ADAMTS19: variants seen among roughly 807,000 people sequenced by gnomAD.
The protein encoded by ADAMTS19 is ADAM metallopeptidase with thrombospondin type 1 motif 19.
ADAMTS19 carries 93 observed loss-of-function variants against 153.3 expected under a neutral mutation model. The observed-to-expected ratio is 0.61, with a 90% CI of 0.51 to 0.72. The LOEUF (loss-of-function observed/expected upper bound fraction) is 0.72. Among genes scored for constraint, ADAMTS19 ranks in the 30% least tolerant of loss-of-function variants. ADAMTS19 has a pLI of 0.00. For missense variants in ADAMTS19, 1,482 were observed against 1,552.1 expected, an observed-to-expected ratio of 0.95 and a Z score of 0.76; for synonymous variants, 600 against 556.6, an observed-to-expected ratio of 1.08 and a Z score of -1.10.
chr5:129,608,711 C>T (rs1186380052), intron 8 of ADAMTS19, among the ~76,000 whole-genome samples: 9 of 151,940 alleles, frequency 5.9e-5, no homozygotes, highest in Admixed American at 5.9e-4. Flanking sequence ...CACTTGAGTT[C>T]AGGAGTTCAA....
At chr5:129,665,245 A>G (rs1239398433) in intron 15 of ADAMTS19, among the ~76,000 whole-genome samples, 2 of 150,800 alleles carry the variant, frequency 1.3e-5, no homozygotes, top group African/African-American at 2.4e-5. Flanking sequence ...ATAAGGTATC[A>G]ATGAGATTTT....
At chr5:129,614,367 A>G (rs1377991393) in intron 8 of ADAMTS19, among the ~76,000 whole-genome samples, 1 of 152,196 alleles carries the variant, frequency 6.6e-6, no homozygotes, top group Non-Finnish European at 1.5e-5. Flanking sequence ...CCTGGGATGC[A>G]AGGCTGGTTC....
intron 6 of ADAMTS19, among the ~76,000 whole-genome samples, chr5:129,532,530 A>G (rs1363765959): frequency 3.3e-5 from 5 of 152,194 alleles, no homozygotes. Context: ...GAAAATGAGT[A>G]GTTTCTTATA....
intron 7 of ADAMTS19, among the ~76,000 whole-genome samples, chr5:129,584,210 G>T (rs549488471): frequency 2.5e-4 from 38 of 152,222 alleles, no homozygotes; most frequent in African/African-American, 8.9e-4. Flanking sequence ...GTTTGCCTGG[G>T]TATCACCAGG....
intron 16 of ADAMTS19, among the ~76,000 whole-genome samples, chr5:129,673,621 A>T (rs1754410461): frequency 1.3e-5 from 2 of 152,148 alleles, no homozygotes; most frequent in Non-Finnish European, 2.9e-5. Flanking sequence ...ACAATTGCTG[A>T]GTACAATCTC....
At chr5:129,735,834 C>T (rs1757642375) in intron 22 of ADAMTS19, among the ~76,000 whole-genome samples, 1 of 151,940 alleles carries the variant, frequency 6.6e-6, no homozygotes. Context: ...CTATTAGTAG[C>T]ATTTAACAGC....
chr5:129,514,616 G>T (rs762813408), intron 3 of ADAMTS19, among the ~76,000 whole-genome samples: 3 of 152,024 alleles, frequency 2.0e-5, no homozygotes, highest in Non-Finnish European at 4.4e-5. Context: ...CAAATATTTT[G>T]CCTATTTTTT....
Position 129,722,911 on chromosome 5 carries a change from C to T in ADAMTS19, c.3313-12021C>T, listed in dbSNP as rs561791835. On this transcript the variant is annotated intron_variant, in intron 21 of 22. Coordinates refer to ENST00000274487, the MANE Select transcript of ADAMTS19 (RefSeq NM_133638.6). The stretch of plus-strand genomic sequence containing the variant: ...ATGGACTTCACAACTATTCATAGTT[C>T]ATTTCATCCCTTTGTTTCTACAATA... 7.9e-5 allele frequency among the ~76,000 whole-genome samples: 12 copies of T among 152,284 alleles called. No homozygotes were observed. The South Asian group carries it at 2.5e-3, about 32-fold the overall frequency.
chr5:129,535,849 G>A (rs1035436994), intron 6 of ADAMTS19, among the ~76,000 whole-genome samples: 1 of 152,088 alleles, frequency 6.6e-6, no homozygotes, highest in African/African-American at 2.4e-5. Flanking sequence ...TGGGAAAACT[G>A]GCTAGCCATA....
chr5:129,724,132 T>A (rs1304269920), intron 21 of ADAMTS19, among the ~76,000 whole-genome samples: 5 of 152,196 alleles, frequency 3.3e-5, no homozygotes, highest in Non-Finnish European at 7.3e-5. Context: ...CTTAGTTAAT[T>A]CTCTTCTGGA....
At chr5:129,735,134 C>T in intron 22 of ADAMTS19, 25 bp downstream of exon 22, 1 of 1,519,922 alleles carries the variant, frequency 6.6e-7, no homozygotes, top group Non-Finnish European at 8.8e-7. Flanking sequence ...AAAAAAGATG[C>T]TTTTGAAAAA....
intron 19 of ADAMTS19, among the ~76,000 whole-genome samples, chr5:129,695,305 T>C (rs1032282952): frequency 2.0e-5 from 3 of 152,164 alleles, no homozygotes; most frequent in African/African-American, 4.8e-5. Context: ...TCTCACTTCC[T>C]AGCCCAGAGT....
At chr5:129,551,775 A>G in intron 6 of ADAMTS19, 89 bp from the exon 7 acceptor site, 1 of 735,310 alleles carries the variant, frequency 1.4e-6, no homozygotes. Context: ...TGCTTCAATT[A>G]ATCATATAAC....
At chr5:129,736,215 T>G (rs529229856) in intron 22 of ADAMTS19, among the ~76,000 whole-genome samples, 1 of 152,036 alleles carries the variant, frequency 6.6e-6, no homozygotes, top group Admixed American at 6.6e-5. Flanking sequence ...CTTGAAATAT[T>G]ACATGGCAGA....
intron 8 of ADAMTS19, among the ~76,000 whole-genome samples, chr5:129,602,928 G>A (rs1007586103): frequency 2.6e-5 from 4 of 151,066 alleles, no homozygotes; most frequent in Non-Finnish European, 4.4e-5. Context: ...TCTCCACTAA[G>A]TTCGTATTTT....
chr5:129,627,477 G>C (rs30704), intron 10 of ADAMTS19, among the ~76,000 whole-genome samples: 57,562 of 151,724 alleles, frequency 0.38, 11,428 homozygotes, highest in African/African-American at 0.49. Flanking sequence ...ATTCCAAAAG[G>C]AATTTCCACA....
At position 129,509,094 on chromosome 5, in the gene ADAMTS19, C is replaced by T. The variant is rs562455660; in HGVS notation, c.765C>T (p.Leu255=). 5 of 1,609,320 alleles carry T rather than the reference C, an allele frequency of 3.1e-6. No individual in the cohort carries two copies. The highest frequency in any genetic ancestry group is 3.4e-6 in the Non-Finnish European group (4 of 1,177,472). ...TATTCCAGATGGGATTTATACAGCT[C>T]AATGAGGACTTCATATTTATTGAGC... ...CGGGLMGFIQ[L]NEDFIFIEPL... Residue 255 remains leucine, a synonymous_variant, in exon 3 of 23, where the codon CTC becomes CTT. Transcript: ENST00000274487.
rs143193228 is a variant in ADAMTS19 at position 129,687,949 on chromosome 5, T to A, written c.2818+3676T>A. On this transcript the variant is annotated intron_variant, in intron 18 of 22. Transcript: ENST00000274487. ...ATTCTAATAATACACAACTCCTATA[T>A]GATTTGTGCTTGAATAGATCTCCTC... is the stretch of plus-strand genomic sequence containing the variant. Among the ~76,000 whole-genome samples, 560 of 152,340 alleles carry A rather than the reference T, an allele frequency of 3.7e-3. 3 individuals carry two copies. The highest frequency in any genetic ancestry group is 4.8e-3 in the Non-Finnish European group (329 of 68,014).
chr5:129,593,786 TC>T (rs1230137450), intron 7 of ADAMTS19, among the ~76,000 whole-genome samples: 1 of 152,172 alleles, frequency 6.6e-6, no homozygotes, highest in Non-Finnish European at 1.5e-5. Context: ...GTTAGTGCTC[TC>T]CAAACTCATG....
Sources: gnomAD v4.1 joint callset for allele counts (sites outside exome capture counted in the v4.1 genomes callset) on GRCh38, gnomAD v4.1.1 for gene constraint, MANE v1.5 for transcripts, NCBI Gene and HGNC (gene_info 2026-07-23, HGNC 2026-07-21) for gene names.